Variants in PDLIM1 observed in about 807,000 individuals in gnomAD.
PDLIM1 encodes PDZ and LIM domain 1, also known as PDZ and LIM domain protein 1.
A neutral mutation model predicts 35.2 loss-of-function variants in PDLIM1; 25 were observed. The observed-to-expected ratio is 0.71, with a 90% CI of 0.52 to 0.99. PDLIM1 has a LOEUF of 0.99. Ranked by LOEUF, PDLIM1 falls within the 50% of genes least tolerant of loss-of-function variation. The pLI is 0.00. For missense variants in PDLIM1, 363 were observed against 415.3 expected (o/e 0.87, Z 1.09); for synonymous variants, 152 against 154.0 (o/e 0.99, Z 0.10).
intron 4 of PDLIM1, among the ~76,000 whole-genome samples, chr10:95,262,287 G>C (rs971745353): frequency 2.0e-5 from 3 of 152,146 alleles, no homozygotes; most frequent in Admixed American, 6.5e-5. Context: ...GAGTTGAGCA[G>C]GTTCTTGTTA....
chr10:95,249,834 T>G (rs1054362274), intron 4 of PDLIM1, among the ~76,000 whole-genome samples: 7 of 152,204 alleles, frequency 4.6e-5, no homozygotes, highest in African/African-American at 1.7e-4. Flanking sequence ...GAGTGGCATA[T>G]GCTTCATGGC....
At chr10:95,273,772 G>C (rs56765154) in intron 1 of PDLIM1, among the ~76,000 whole-genome samples, 1 of 152,062 alleles carries the variant, frequency 6.6e-6, no homozygotes, top group Non-Finnish European at 1.5e-5. Context: ...TCAACAATGA[G>C]AGTTAGCTTC....
rs45459092 is a variant in PDLIM1, at chr10:95,251,491, G to A, written c.534-4125C>T. ...CTTGGAAGGCTGAGGCAGTAGAATC[G>A]CTTGAACCTAGGAGGCAGAAGTTGC... On this transcript the variant is annotated intron_variant, in intron 4 of 6. Coordinates refer to ENST00000329399, the MANE Select transcript of PDLIM1 (RefSeq NM_020992.4). Among the ~76,000 whole-genome samples, 215 of 152,126 alleles carry A rather than the reference G, an allele frequency of 1.4e-3. 6 individuals carry two copies. In the East Asian group the frequency reaches 0.038, roughly 27 times the overall value.
intron 5 of PDLIM1, 149 bp from the exon 6 acceptor site, chr10:95,238,834 G>C (rs2901833): frequency 1.7e-6 from 1 of 580,042 alleles, no homozygotes; most frequent in Non-Finnish European, 3.2e-6. Flanking sequence ...AAGTAACTTA[G>C]CCTCTCTGGT....
chr10:95,263,775 T>A, intron 4 of PDLIM1, 89 bp downstream of exon 4: 1 of 901,480 alleles, frequency 1.1e-6, no homozygotes, highest in Non-Finnish European at 1.7e-6. Flanking sequence ...CCTGGAGTAG[T>A]GGCTCTTGCA....
rs2035142291 is a variant in PDLIM1, at chr10:95,238,088, T to C, written c.827A>G (p.Asp276Gly). ...GIVGVFVKLRDRHRHPECYVC... is the reference protein window; with the variant it reads ...GIVGVFVKLRGRHRHPECYVC... Reference sequence around the variant, plus strand: ...ATAACACTCAGGGTGGCGGTGACGGTCCCGCAGCTTCACAAACACACCACT... The same window carrying C: ...ATAACACTCAGGGTGGCGGTGACGGCCCCGCAGCTTCACAAACACACCACT... Residue 276 changes from aspartate to glycine, a missense_variant, in exon 7 of 7, where the codon GAC (aspartate) becomes GGC (glycine). Asp to Gly is a moderately conservative substitution (Grantham distance 94). Transcript: ENST00000329399. 1 of 1,613,880 alleles carries C rather than the reference T, an allele frequency of 6.2e-7. No individual in the cohort carries two copies. Among genetic ancestry groups the C allele is most frequent in the Non-Finnish European group, 8.5e-7 (1 of 1,179,910 alleles).
chr10:95,277,067 T>G (rs2035518419), intron 1 of PDLIM1, among the ~76,000 whole-genome samples: 1 of 151,266 alleles, frequency 6.6e-6, no homozygotes, highest in Non-Finnish European at 1.5e-5. Context: ...CAAAAAAAAT[T>G]TGCCAGGTGT....
chr10:95,289,800 G>C (rs752640959), intron 1 of PDLIM1, among the ~76,000 whole-genome samples: 4 of 152,270 alleles, frequency 2.6e-5, no homozygotes, highest in Non-Finnish European at 5.9e-5. Context: ...CTACAGGCAA[G>C]GAGTGGCCAT....
At chr10:95,268,973 C>T in intron 2 of PDLIM1, 111 bp from the exon 3 acceptor site, 1 of 723,520 alleles carries the variant, frequency 1.4e-6, no homozygotes, top group East Asian at 2.7e-5. Flanking sequence ...TGAACTAGCA[C>T]CCTCCCATCA....
At chr10:95,244,351 G>A (rs1305081703) in intron 5 of PDLIM1, among the ~76,000 whole-genome samples, 2 of 152,162 alleles carry the variant, frequency 1.3e-5, no homozygotes, top group East Asian at 3.8e-4. Context: ...GTTTACAGAC[G>A]TGGCTTTACT....
intron 6 of PDLIM1, 61 bp from the exon 7 acceptor site, chr10:95,238,172 A>C: frequency 5.5e-6 from 8 of 1,445,092 alleles, no homozygotes; most frequent in Non-Finnish European, 7.6e-6. Flanking sequence ...GTGGCACCTG[A>C]GCAGGTGGCA....
intron 4 of PDLIM1, among the ~76,000 whole-genome samples, chr10:95,256,516 A>G (rs959013407): frequency 5.9e-5 from 9 of 152,216 alleles, no homozygotes. Context: ...ATGAAATAGA[A>G]TAGAGAGCCC....
chr10:95,247,097 T>G, intron 5 of PDLIM1, 118 bp downstream of exon 5: 1 of 845,684 alleles, frequency 1.2e-6, no homozygotes, highest in Non-Finnish European at 1.9e-6. Flanking sequence ...TTTCAGCATT[T>G]TAAAAGCCCA....
At chr10:95,280,584 C>T (rs1166190515) in intron 1 of PDLIM1, among the ~76,000 whole-genome samples, 13 of 152,156 alleles carry the variant, frequency 8.5e-5, no homozygotes. Flanking sequence ...AGTACTCCAG[C>T]CTGGATAATA....
At chr10:95,286,367 A>G (rs2035602187) in intron 1 of PDLIM1, among the ~76,000 whole-genome samples, 1 of 151,902 alleles carries the variant, frequency 6.6e-6, no homozygotes, top group African/African-American at 2.4e-5. Context: ...AAAAAAAAAA[A>G]AGTAGCTCTC....
chr10:95,251,952 A>G (rs1046953210), intron 4 of PDLIM1, among the ~76,000 whole-genome samples: 1 of 152,254 alleles, frequency 6.6e-6, no homozygotes, highest in African/African-American at 2.4e-5. Context: ...CAATGGGCAC[A>G]GACAGAAGAA....
At chr10:95,252,770 C>T (rs2035277372) in intron 4 of PDLIM1, among the ~76,000 whole-genome samples, 2 of 151,724 alleles carry the variant, frequency 1.3e-5, no homozygotes, top group African/African-American at 4.9e-5. Flanking sequence ...TCAGCAGCAG[C>T]ATGAAGGAGA....
intron 1 of PDLIM1, chr10:95,272,888 A>G (rs963705838): frequency 6.6e-6 from 1 of 152,138 alleles, no homozygotes; most frequent in African/African-American, 2.4e-5. Flanking sequence ...AATTACTGCA[A>G]TAGGTCCTTA....
At chr10:95,250,378 T>G (rs993946464) in intron 4 of PDLIM1, among the ~76,000 whole-genome samples, 1 of 152,218 alleles carries the variant, frequency 6.6e-6, no homozygotes, top group Middle Eastern at 3.4e-3. Flanking sequence ...ACTTACCATT[T>G]TTCTCAAATA....
Sources: gnomAD v4.1 joint callset for allele counts (sites outside exome capture counted in the v4.1 genomes callset) on GRCh38, gnomAD v4.1.1 for gene constraint, MANE v1.5 for transcripts, NCBI Gene and HGNC (gene_info 2026-07-23, HGNC 2026-07-21) for gene names.